The following HDAC7 variants were observed in gnomAD, a reference collection of about 807,000 sequenced individuals.
HDAC7 encodes the protein histone deacetylase 7, also known as histone deacetylase 7A.
A neutral mutation model predicts 115.5 loss-of-function variants in HDAC7; 26 were observed. The observed-to-expected ratio is 0.23, with a 90% CI of 0.16 to 0.31. HDAC7 has a LOEUF of 0.31. Ranked by LOEUF, HDAC7 falls within the 10% of genes least tolerant of loss-of-function variation. The pLI is 1.00. For synonymous variants in HDAC7, 564 were observed against 550.9 expected (o/e 1.02, Z -0.33); for missense variants, 1,068 against 1,329.0 (o/e 0.80, Z 3.05).
chr12:47,794,710 CCA>C (rs761837467), intron 12 of HDAC7, 48 bp downstream of exon 12: 2 of 1,488,576 alleles, frequency 1.3e-6, no homozygotes, highest in South Asian at 1.3e-5. Context: ...ATGCCAGGCC[CCA>C]GAGTCTTCTG....
rs1038806414 is a variant in HDAC7, at chr12:47,803,833, C to T, written c.20-1559G>A. On this transcript the variant is annotated intron_variant, in intron 1 of 25. Transcript: ENST00000080059. The surrounding 1 kb of genome is among the most constrained non-coding windows in gnomAD (Gnocchi z 4.0). ...CAGAGGCAAACTCCCCTCCCCACGACATGGTAACCCCCAATCCCAGGCCTT... is the reference window on the plus strand; with the variant it reads ...CAGAGGCAAACTCCCCTCCCCACGATATGGTAACCCCCAATCCCAGGCCTT... Among the ~76,000 whole-genome samples the T allele has an allele frequency of 7.9e-5, 12 of 152,226 alleles. No individual in the cohort carries two copies. Among genetic ancestry groups the T allele is most frequent in the African/African-American group, 2.9e-4 (12 of 41,458 alleles).
chr12:47,791,290 A>G lies in HDAC7; in HGVS notation c.1952T>C (p.Met651Thr), dbSNP rs776119077. ...CCCACCACAGGGCAGCATCACAAAC[A>G]TCCGCTGTGCCAGGAGCCCTGCGGG... ...GKLAGLLAQRMFVMLPCGGVG... is the reference protein window; with the variant it reads ...GKLAGLLAQRTFVMLPCGGVG... Residue 651 changes from methionine (M) to threonine (T), a missense_variant, in exon 16 of 26, where the codon ATG (methionine) becomes ACG (threonine). This residue lies in a region of HDAC7 where 618 missense variants were observed against 701.5 expected (regional missense o/e 0.88). Coordinates refer to ENST00000080059, the MANE Select transcript of HDAC7 (RefSeq NM_015401.5). 1 of 1,600,584 alleles carries G rather than the reference A, an allele frequency of 6.2e-7. No homozygotes were observed. Among genetic ancestry groups the G allele is most frequent in the Non-Finnish European group, 8.5e-7 (1 of 1,173,576 alleles).
Position 47,790,128 on chromosome 12 carries a change from C to G in HDAC7, c.1984-208G>C. 8.6e-6 allele frequency: 5 copies of G among 583,652 alleles called. No individual in the cohort carries two copies. In the South Asian group the frequency reaches 9.9e-5, roughly 12 times the overall value. The allele number at this position is 583,652 out of a possible 1,614,324, so 36.2% of individuals were successfully genotyped here. On this transcript the variant is annotated intron_variant, in intron 16 of 25. Coordinates refer to ENST00000080059, the MANE Select transcript of HDAC7 (RefSeq NM_015401.5). ...CTTTTTCCCAGCTTAAGTCCCAGCACCAGCCCATTATCTGGCCAGCACTCT... is the reference window on the plus strand; with the variant it reads ...CTTTTTCCCAGCTTAAGTCCCAGCAGCAGCCCATTATCTGGCCAGCACTCT...
intron 1 of HDAC7, among the ~76,000 whole-genome samples, chr12:47,816,909 C>T (rs111482748): frequency 5.9e-5 from 9 of 152,336 alleles, no homozygotes; most frequent in South Asian, 4.1e-4. Flanking sequence ...CCCCAGCCCG[C>T]GAGTCCATGC....
At chr12:47,813,069 G>A (rs947613125) in intron 1 of HDAC7, 4 of 152,372 alleles carry the variant, frequency 2.6e-5, no homozygotes, top group African/African-American at 9.6e-5. Flanking sequence ...GCCCTGCGCT[G>A]CGGGCAAACA....
At chr12:47,788,261 G>A (rs1943282098) in intron 19 of HDAC7, 97 bp from the exon 20 acceptor site, 7 of 1,438,712 alleles carry the variant, frequency 4.9e-6, no homozygotes, top group Non-Finnish European at 6.5e-6. Flanking sequence ...CTGAGGTCAG[G>A]ACCCTAGACT....
intron 12 of HDAC7, among the ~76,000 whole-genome samples, chr12:47,794,225 C>T (rs1392377564): frequency 6.6e-6 from 1 of 152,244 alleles, no homozygotes; most frequent in Non-Finnish European, 1.5e-5. Flanking sequence ...TGCCCTCACA[C>T]TCACAGCCCC....
intron 2 of HDAC7, 25 bp downstream of exon 2, chr12:47,802,199 G>T: frequency 6.2e-7 from 1 of 1,609,010 alleles, no homozygotes; most frequent in East Asian, 2.2e-5. Context: ...TCCCTACCAT[G>T]GACTCCCCCG....
intron 18 of HDAC7, 68 bp downstream of exon 18, chr12:47,789,455 G>A: frequency 6.3e-7 from 1 of 1,581,714 alleles, no homozygotes; most frequent in Non-Finnish European, 8.7e-7. Flanking sequence ...AAGAGAGAAT[G>A]TCCCTGAAGG....
chr12:47,811,482 C>T (rs1944661949), intron 1 of HDAC7, among the ~76,000 whole-genome samples: 2 of 152,188 alleles, frequency 1.3e-5, no homozygotes, highest in Admixed American at 1.3e-4. Context: ...ACTGAAAAAA[C>T]AGTATATGCA....
intron 1 of HDAC7, among the ~76,000 whole-genome samples, chr12:47,807,368 C>T (rs1025174483): frequency 2.6e-5 from 4 of 152,206 alleles, no homozygotes; most frequent in African/African-American, 9.7e-5. Flanking sequence ...CATTTGCTAA[C>T]TTATCTAGTC....
rs142310799 is a variant in HDAC7 at position 47,801,094 on chromosome 12, T to C, written c.70+1130A>G. Among the ~76,000 whole-genome samples, 205 of 152,344 alleles carry C rather than the reference T, an allele frequency of 1.3e-3. 2 individuals carry two copies. The highest frequency in any genetic ancestry group is 9.3e-3 in the Admixed American group (142 of 15,298). On this transcript the variant is annotated intron_variant, in intron 2 of 25. Coordinates refer to ENST00000080059, the MANE Select transcript of HDAC7 (RefSeq NM_015401.5). ...TTCTACTTTTCCAAATCCTACTCTT[T>C]GCTCAAAGCTCAGCTGGAGTCCTCC...
At position 47,791,605 on chromosome 12, in the gene HDAC7, C is replaced by T; in HGVS notation, c.1914G>A (p.Leu638=). 1.2e-6 allele frequency: 2 copies of T among 1,610,436 alleles called. No homozygotes were observed. Among genetic ancestry groups the T allele is most frequent in the South Asian group, 1.1e-5 (1 of 90,506 alleles). ...CATTACCTGCCAGCTTCCCGTTGTC[C>T]AGTTTGAGGCGGCTGAGCGGGTTGG... ...YGTNPLSRLK[L]DNGKLAGLLA... is the part of the protein sequence containing the mutation. The change falls in exon 15 of 26, where the codon CTG becomes CTA. Residue 638 remains leucine, a synonymous_variant. Coordinates refer to ENST00000080059, the MANE Select transcript of HDAC7 (RefSeq NM_015401.5).
At chr12:47,806,501 C>T (rs1310234076) in intron 1 of HDAC7, among the ~76,000 whole-genome samples, 2 of 152,136 alleles carry the variant, frequency 1.3e-5, no homozygotes, top group Non-Finnish European at 2.9e-5. Context: ...CCAGCTTGGC[C>T]GACATGGTGA....
chr12:47,796,321 A>G, intron 7 of HDAC7, 23 bp from the exon 8 acceptor site: 2 of 1,569,364 alleles, frequency 1.3e-6, no homozygotes, highest in Admixed American at 2.0e-5. Flanking sequence ...GAGAGAGGGA[A>G]GTGCAGTCAG....
intron 19 of HDAC7, 89 bp from the exon 20 acceptor site, chr12:47,788,253 G>A: frequency 6.8e-7 from 1 of 1,479,132 alleles, no homozygotes; most frequent in Non-Finnish European, 9.1e-7. Context: ...TGGCCATTCT[G>A]AGGTCAGGAC....
intron 2 of HDAC7, among the ~76,000 whole-genome samples, chr12:47,800,164 G>A (rs1002469819): frequency 6.6e-6 from 1 of 152,190 alleles, no homozygotes; most frequent in African/African-American, 2.4e-5. Flanking sequence ...TCAAGCCACT[G>A]GCCCCGGGGG....
In HDAC7 at chr12:47,793,182, T is replaced by G; in HGVS notation, c.1678+187A>C. The G allele has an allele frequency of 1.9e-6, 1 of 528,032 alleles. No homozygotes were observed. Among genetic ancestry groups the G allele is most frequent in the Admixed American group, 3.6e-5 (1 of 27,466 alleles). 32.7% of individuals were successfully genotyped at this position (528,032 alleles called of 1,614,324 possible). ...CACAGGCTTGTCACCTTAGATTTCGTGAGCCTTGGTCCTCATCGGCCAAAT... is the reference window on the plus strand; with the variant it reads ...CACAGGCTTGTCACCTTAGATTTCGGGAGCCTTGGTCCTCATCGGCCAAAT... On this transcript the variant is annotated intron_variant, in intron 13 of 25. Transcript: ENST00000080059. The surrounding 1 kb of genome is among the most constrained non-coding windows in gnomAD (Gnocchi z 4.5).
chr12:47,801,173 T>C (rs1400969085), intron 2 of HDAC7, among the ~76,000 whole-genome samples: 2 of 152,186 alleles, frequency 1.3e-5, no homozygotes, highest in Non-Finnish European at 2.9e-5. Flanking sequence ...TGGACTCCAA[T>C]CACATGGCTG....
Sources: gnomAD v4.1 joint callset for allele counts (sites outside exome capture counted in the v4.1 genomes callset) on GRCh38, gnomAD v4.1.1 for gene constraint, gnomAD v4.1.1 regional missense constraint, Gnocchi (gnomAD v3.1) non-coding constraint, MANE v1.5 for transcripts, NCBI Gene and HGNC (gene_info 2026-07-23, HGNC 2026-07-21) for gene names.